The following LRBA variants were observed in gnomAD, a reference collection of about 807,000 sequenced individuals.
The protein encoded by LRBA is lipopolysaccharide-responsive and beige-like anchor protein.
LRBA carries 176 observed loss-of-function variants against 330.0 expected under a neutral mutation model. The ratio of observed to expected loss-of-function variants is 0.53; its 90% CI spans 0.47 to 0.60. LRBA has a LOEUF of 0.60. Ranked by LOEUF, LRBA falls within the 20% of genes least tolerant of loss-of-function variation. LRBA has a pLI of 0.00. For missense variants in LRBA, 3,259 were observed against 3,444.8 expected (o/e 0.95, Z 1.35); for synonymous variants, 1,230 against 1,193.0 (o/e 1.03, Z -0.64).
chr4:150,409,414 T>A (rs1334301665), intron 47 of LRBA, among the ~76,000 whole-genome samples: 1 of 152,142 alleles, frequency 6.6e-6, no homozygotes, highest in African/African-American at 2.4e-5. Flanking sequence ...AATTGAAAAG[T>A]CCTTCCTTTC....
At chr4:150,846,546 A>G (rs1749872819) in intron 26 of LRBA, among the ~76,000 whole-genome samples, 1 of 151,346 alleles carries the variant, frequency 6.6e-6, no homozygotes, top group South Asian at 2.1e-4. Context: ...AAAAAAAGAA[A>G]GAAAATGGAG....
At chr4:150,815,299 G>A (rs1263329660) in intron 31 of LRBA, among the ~76,000 whole-genome samples, 4 of 149,966 alleles carry the variant, frequency 2.7e-5, no homozygotes, top group East Asian at 1.9e-4. Context: ...GTGGAGAAGC[G>A]GAAATGTGCA....
Position 150,693,563 on chromosome 4 carries a change from C to CAA in LRBA, c.5755-9848_5755-9847dup, listed in dbSNP as rs70941428. Among the ~76,000 whole-genome samples the CAA allele has an allele frequency of 9.8e-3, 516 of 52,552 alleles. 36 individuals are homozygous for CAA. The highest frequency in any genetic ancestry group is 0.031 in the African/African-American group (463 of 14,840). 34.5% of individuals were successfully genotyped at this position (52,552 alleles called of 152,430 possible). A position where few individuals can be genotyped will look rare whatever the true frequency, so the allele number is the denominator to read the frequency against. On this transcript the variant is annotated intron_variant, in intron 36 of 56. Transcript: ENST00000651943. Reference sequence around the variant, plus strand: ...TGGGTGACAGAGCGAGACTCCGTCTCAAAAAAAAAAAAAAAAAAAAAAATT... The same window carrying CAA: ...TGGGTGACAGAGCGAGACTCCGTCTCAAAAAAAAAAAAAAAAAAAAAAAAATT...
chr4:150,957,746 T>C (rs778233085), intron 2 of LRBA, among the ~76,000 whole-genome samples: 1 of 148,894 alleles, frequency 6.7e-6, no homozygotes, highest in Non-Finnish European at 1.5e-5. Flanking sequence ...AGGCATTGGG[T>C]AAATACACTC....
chr4:150,936,128 AGTAG>A (rs1325933359), intron 2 of LRBA, among the ~76,000 whole-genome samples: 1 of 152,092 alleles, frequency 6.6e-6, no homozygotes, highest in Non-Finnish European at 1.5e-5. Flanking sequence ...TAATGCTCAA[AGTAG>A]GTGAGAACAA....
intron 47 of LRBA, among the ~76,000 whole-genome samples, chr4:150,391,400 T>A (rs1561109625): frequency 6.6e-6 from 1 of 152,192 alleles, no homozygotes; most frequent in Non-Finnish European, 1.5e-5. Flanking sequence ...CTGGCTTTTA[T>A]ATAAAAAGAT....
In LRBA at chr4:150,806,354, C is replaced by T. The variant is rs770711457; in HGVS notation, c.5435G>A (p.Arg1812His). Reference sequence around the variant, plus strand: ...AGGTGCAAAATCCACAAAAATCTCACGAAGGAGAGGAGCTGCCTTTTCCAA... The same window carrying T: ...AGGTGCAAAATCCACAAAAATCTCATGAAGGAGAGGAGCTGCCTTTTCCAA... Reference protein sequence around the residue: ...HALEKAAPLLREIFVDFAPFL... With the variant: ...HALEKAAPLLHEIFVDFAPFL... The change falls in exon 33 of 57, where the codon CGT (arginine) becomes CAT (histidine). Residue 1812 changes from arginine (R) to histidine (H), a missense_variant. Transcript: ENST00000651943. 8.1e-6 allele frequency: 13 copies of T among 1,610,534 alleles called. No homozygotes were observed. The highest frequency in any genetic ancestry group is 9.3e-6 in the Non-Finnish European group (11 of 1,178,400).
At chr4:150,614,508 A>C (rs567236824) in intron 37 of LRBA, among the ~76,000 whole-genome samples, 3 of 152,230 alleles carry the variant, frequency 2.0e-5, no homozygotes, top group African/African-American at 7.2e-5. Context: ...ACTTGCCTAA[A>C]ATTGTCTATG....
intron 46 of LRBA, among the ~76,000 whole-genome samples, chr4:150,421,878 A>C (rs1748847852): frequency 6.6e-6 from 1 of 151,958 alleles, no homozygotes; most frequent in Admixed American, 6.5e-5. Flanking sequence ...TGGATCCTCC[A>C]GGGAAATAAG....
Position 150,325,841 on chromosome 4 carries a change from G to A in LRBA, c.7420C>T (p.Pro2474Ser). ...ATGGCAGAACCTCTGGGAGGATGGGGCTCTATGAGTAGTTGAGAAGGAGTC... is the reference window on the plus strand; with the variant it reads ...ATGGCAGAACCTCTGGGAGGATGGGACTCTATGAGTAGTTGAGAAGGAGTC... ...GQTPSQLLIEPHPPRGSAMQV... is the reference protein window; with the variant it reads ...GQTPSQLLIESHPPRGSAMQV... The change falls in exon 49 of 57, where the codon CCC becomes TCC. Residue 2474 changes from proline (P) to serine (S), a missense_variant. Pro to Ser is a moderately conservative substitution (Grantham distance 74). Coordinates refer to ENST00000651943, the MANE Select transcript of LRBA (RefSeq NM_001364905.1). 1 of 1,613,512 alleles carries A rather than the reference G, an allele frequency of 6.2e-7. No homozygotes were observed. The highest frequency in any genetic ancestry group is 8.5e-7 in the Non-Finnish European group (1 of 1,179,610).
chr4:150,687,402 A>G (rs1783720884), intron 36 of LRBA, among the ~76,000 whole-genome samples: 1 of 152,130 alleles, frequency 6.6e-6, no homozygotes, highest in Non-Finnish European at 1.5e-5. Flanking sequence ...ATAAACGGTC[A>G]AATCTAAAAC....
At chr4:150,487,553 A>C (rs1192552896) in intron 42 of LRBA, among the ~76,000 whole-genome samples, 179 bp downstream of exon 42, 1 of 151,578 alleles carries the variant, frequency 6.6e-6, no homozygotes, top group Admixed American at 6.6e-5. Flanking sequence ...AATGCAGTTT[A>C]GTCAAAAGAA....
intron 52 of LRBA, among the ~76,000 whole-genome samples, chr4:150,307,645 G>A (rs148444979): frequency 3.3e-5 from 5 of 151,926 alleles, no homozygotes; most frequent in African/African-American, 1.2e-4. Context: ...TTGGCAGGCC[G>A]ACGCAGGAGG....
intron 7 of LRBA, 26 bp from the exon 8 acceptor site, chr4:150,915,753 A>G (rs1732515065): frequency 1.3e-6 from 2 of 1,570,918 alleles, no homozygotes; most frequent in South Asian, 1.2e-5. Flanking sequence ...ACAGTTAAAA[A>G]TACAAAGATA....
chr4:150,951,260 C>G (rs1736801610), intron 2 of LRBA, among the ~76,000 whole-genome samples: 1 of 152,046 alleles, frequency 6.6e-6, no homozygotes, highest in Admixed American at 6.6e-5. Flanking sequence ...AAAGAAGGAA[C>G]TAGCTGAATT....
chr4:150,860,694 G>A (rs1369379678), intron 22 of LRBA, among the ~76,000 whole-genome samples: 1 of 152,068 alleles, frequency 6.6e-6, no homozygotes, highest in Non-Finnish European at 1.5e-5. Flanking sequence ...AGGCATGGTG[G>A]CAGGCGCCTG....
At chr4:150,530,245 C>T (rs1485033687) in intron 40 of LRBA, among the ~76,000 whole-genome samples, 1 of 151,486 alleles carries the variant, frequency 6.6e-6, no homozygotes, top group East Asian at 1.9e-4. Flanking sequence ...TACAAAAGTG[C>T]TAAGGAAGCA....
At chr4:150,767,599 A>G (rs1023952694) in intron 34 of LRBA, among the ~76,000 whole-genome samples, 5 of 151,502 alleles carry the variant, frequency 3.3e-5, no homozygotes, top group Non-Finnish European at 7.4e-5. Flanking sequence ...CTCTACTAAA[A>G]ATACAAAAAT....
chr4:150,440,669 G>C (rs963277191), intron 44 of LRBA, among the ~76,000 whole-genome samples: 1 of 152,026 alleles, frequency 6.6e-6, no homozygotes, highest in African/African-American at 2.4e-5. Context: ...AACTACTTGG[G>C]AGGATCGCTT....
Sources: gnomAD v4.1 joint callset for allele counts (sites outside exome capture counted in the v4.1 genomes callset) on GRCh38, gnomAD v4.1.1 for gene constraint, MANE v1.5 for transcripts, NCBI Gene and HGNC (gene_info 2026-07-23, HGNC 2026-07-21) for gene names.